Variants in CYTH4 observed in about 807,000 individuals in gnomAD.
CYTH4 encodes cytohesin-4.
Under a neutral mutation model 57.5 loss-of-function variants are expected in CYTH4, and 22 were observed. That is an observed-to-expected ratio of 0.38 (90% CI 0.27 to 0.55). The LOEUF is 0.55. Ranked by LOEUF, CYTH4 falls within the 20% of genes least tolerant of loss-of-function variation. The pLI is 0.74. For synonymous variants in CYTH4, 186 were observed against 206.5 expected (o/e 0.90, Z 0.85); for missense variants, 420 against 535.6 (o/e 0.78, Z 2.13).
Position 37,298,875 on chromosome 22 carries a change from G to A in CYTH4, c.354-351G>A, listed in dbSNP as rs770862553. On this transcript the variant is annotated intron_variant, in intron 5 of 12. Coordinates refer to ENST00000248901, the MANE Select transcript of CYTH4 (RefSeq NM_013385.5). The surrounding 1 kb of genome is among the most constrained non-coding windows in gnomAD (Gnocchi z 4.1). ...CAGCTTCTCTCCCTTGTACAGATGA[G>A]GAAGCTGGGGCTGGGAAGGTCAAGT... 6.6e-6 allele frequency among the ~76,000 whole-genome samples: 1 copy of A among 152,162 alleles called. No individual in the cohort carries two copies. Among genetic ancestry groups the A allele is most frequent in the Non-Finnish European group, 1.5e-5 (1 of 68,018 alleles).
chr22:37,304,557 A>G (rs1036005093), intron 8 of CYTH4, among the ~76,000 whole-genome samples: 1 of 152,126 alleles, frequency 6.6e-6, no homozygotes, highest in Non-Finnish European at 1.5e-5. Flanking sequence ...CGCGAACACC[A>G]CGGTCCCAGC....
At chr22:37,296,364 T>A (rs1928969177) in intron 4 of CYTH4, 2 of 423,002 alleles carry the variant, frequency 4.7e-6, no homozygotes, top group Non-Finnish European at 8.6e-6. Flanking sequence ...TCCATGAATG[T>A]GGCTTGGGAC....
intron 1 of CYTH4, 48 bp from the exon 2 acceptor site, chr22:37,292,573 G>A (rs773359064): frequency 6.3e-7 from 1 of 1,596,058 alleles, no homozygotes; most frequent in South Asian, 1.1e-5. Context: ...AGGGCAAGTG[G>A]GTGTGGCTGG....
chr22:37,297,626 C>G lies in CYTH4; in HGVS notation c.297C>G (p.Phe99Leu). The change falls in exon 5 of 13, where the codon TTC (phenylalanine) becomes TTG (leucine). Residue 99 changes from phenylalanine to leucine, a missense_variant. By Grantham distance (22) the Phe-to-Leu change is conservative. Coordinates refer to ENST00000248901, the MANE Select transcript of CYTH4 (RefSeq NM_013385.5). ...CTGACGTCCAGGACATTGCACGGTT[C>G]CTGTATAAAGGCGAGGGCCTCAACA... ...LTPDVQDIAR[F>L]LYKGEGLNKT... 1.2e-6 allele frequency: 2 copies of G among 1,614,030 alleles called. No individual in the cohort carries two copies. The highest frequency in any genetic ancestry group is 2.7e-5 in the African/African-American group (2 of 75,052).
chr22:37,309,632 T>G lies in CYTH4; in HGVS notation c.808+309T>G, dbSNP rs150424073. ...TTCTGTTTCTCTCTCCCCAGCGGAA[T>G]GGGGAGGGAAGTCATAGCAGGAAGT... On this transcript the variant is annotated intron_variant, in intron 9 of 12. Coordinates refer to ENST00000248901, the MANE Select transcript of CYTH4 (RefSeq NM_013385.5). 3.0e-3 allele frequency among the ~76,000 whole-genome samples: 449 copies of G among 152,162 alleles called. 1 individual carries two copies. The highest frequency in any genetic ancestry group is 0.01 in the African/African-American group (422 of 41,522).
intron 2 of CYTH4, among the ~76,000 whole-genome samples, chr22:37,294,140 G>C (rs570584305): frequency 1.4e-5 from 2 of 147,290 alleles, no homozygotes; most frequent in South Asian, 4.4e-4. Context: ...GACACCAGCC[G>C]GGAGAGGCAG....
chr22:37,284,117 C>T (rs144649529), intron 1 of CYTH4, among the ~76,000 whole-genome samples: 76 of 152,214 alleles, frequency 5.0e-4, no homozygotes, highest in Non-Finnish European at 8.7e-4. Flanking sequence ...CCAGGTTGGC[C>T]GGGGCTATGG....
chr22:37,304,998 A>G (rs1929344533), intron 8 of CYTH4, among the ~76,000 whole-genome samples: 1 of 152,226 alleles, frequency 6.6e-6, no homozygotes, highest in African/African-American at 2.4e-5. Context: ...TAATGAAAAA[A>G]GCCCCAGCAT....
rs1001231840 is a variant in CYTH4 at position 37,295,703 on chromosome 22, C to T, written c.168-296C>T. ...CACCTGCGTGCTCAGCCCTCGCCCC[C>T]TCCCCCGGTTTCTTGCACAGGGCCC... On this transcript the variant is annotated intron_variant, in intron 3 of 12. Coordinates refer to ENST00000248901, the MANE Select transcript of CYTH4 (RefSeq NM_013385.5). The surrounding 1 kb of genome is among the most constrained non-coding windows in gnomAD (Gnocchi z 4.1). Among the ~76,000 whole-genome samples the T allele has an allele frequency of 4.6e-5, 7 of 152,222 alleles. No individual in the cohort carries two copies.
chr22:37,284,963 G>C, intron 1 of CYTH4, among the ~76,000 whole-genome samples: 1 of 147,344 alleles, frequency 6.8e-6, no homozygotes, highest in South Asian at 2.3e-4. Flanking sequence ...GGCGGCGGGG[G>C]AGGAAGCCGC....
At chr22:37,308,873 C>G (rs9607441) in intron 8 of CYTH4, among the ~76,000 whole-genome samples, 6 of 46,658 alleles carry the variant, frequency 1.3e-4, no homozygotes. Flanking sequence ...CATACATGTG[C>G]GTGTGTGTGC....
At chr22:37,297,454 C>A in intron 4 of CYTH4, 110 bp from the exon 5 acceptor site, 1 of 944,224 alleles carries the variant, frequency 1.1e-6, no homozygotes, top group South Asian at 1.4e-5. Context: ...TGTGCCAACA[C>A]CAGAATGCCA....
At position 37,282,535 on chromosome 22, in the gene CYTH4, G is replaced by A. The variant is rs778424309; in HGVS notation, c.-35G>A. ...ACAGCAGCTGGGTCGGCAAGCGACA[G>A]GAGCACGGGTCATCTTTTCCCCAGA... On this transcript the variant is annotated 5_prime_UTR_variant, in exon 1 of 13. Coordinates refer to ENST00000248901, the MANE Select transcript of CYTH4 (RefSeq NM_013385.5). 2.5e-6 allele frequency: 4 copies of A among 1,613,360 alleles called. No homozygotes were observed. Among genetic ancestry groups the A allele is most frequent in the Admixed American group, 1.7e-5 (1 of 59,798 alleles).
At chr22:37,291,637 G>A (rs1601698400) in intron 1 of CYTH4, among the ~76,000 whole-genome samples, 2 of 152,158 alleles carry the variant, frequency 1.3e-5, no homozygotes, top group Non-Finnish European at 2.9e-5. Flanking sequence ...GAATGGCAGG[G>A]AATAAGTCTG....
At chr22:37,297,267 T>G (rs1352817213) in intron 4 of CYTH4, among the ~76,000 whole-genome samples, 1 of 151,440 alleles carries the variant, frequency 6.6e-6, no homozygotes, top group Non-Finnish European at 1.5e-5. Flanking sequence ...ATTCCTAGAG[T>G]CACTGAAGCA....
intron 8 of CYTH4, among the ~76,000 whole-genome samples, chr22:37,308,651 T>C (rs1929505700): frequency 6.6e-6 from 1 of 151,796 alleles, no homozygotes; most frequent in Non-Finnish European, 1.5e-5. Flanking sequence ...TGCATGTATG[T>C]GTGCATATAT....
intron 8 of CYTH4, among the ~76,000 whole-genome samples, chr22:37,308,325 G>C (rs1286949249): frequency 6.6e-6 from 1 of 152,262 alleles, no homozygotes; most frequent in Non-Finnish European, 1.5e-5. Flanking sequence ...GTGTGTCTGT[G>C]TCTGTGTGTG....
At chr22:37,303,522 A>G in intron 8 of CYTH4, 120 bp downstream of exon 8, 1 of 1,345,994 alleles carries the variant, frequency 7.4e-7, no homozygotes, top group East Asian at 2.6e-5. Flanking sequence ...GACTCTGCTG[A>G]TATGGCCCAC....
In CYTH4 at chr22:37,299,323, C is replaced by T. The variant is rs749532973; in HGVS notation, c.434+17C>T. On this transcript the variant is annotated intron_variant, in intron 6 of 12. Transcript: ENST00000248901. ...GGCCCTCAGGTGAGTAGTCCTGGGG[C>T]AGGGTCCCGGCCCTCAAGGGTGGCA... 9 of 1,612,412 alleles carry T rather than the reference C, an allele frequency of 5.6e-6. No homozygotes were observed. Among genetic ancestry groups the T allele is most frequent in the Non-Finnish European group, 7.6e-6 (9 of 1,178,742 alleles).
Sources: gnomAD v4.1 joint callset for allele counts (sites outside exome capture counted in the v4.1 genomes callset) on GRCh38, gnomAD v4.1.1 for gene constraint, Gnocchi (gnomAD v3.1) non-coding constraint, MANE v1.5 for transcripts, NCBI Gene and HGNC (gene_info 2026-07-23, HGNC 2026-07-21) for gene names.